The following LRRC74A variants were observed in gnomAD, a reference collection of about 807,000 sequenced individuals.
LRRC74A encodes leucine-rich repeat-containing protein 74A.
A neutral mutation model predicts 57.9 loss-of-function variants in LRRC74A; 44 were observed. That is an observed-to-expected ratio of 0.76 (90% CI 0.60 to 0.98). The LOEUF (loss-of-function observed/expected upper bound fraction) is 0.98. Ranked by LOEUF, LRRC74A falls within the 50% of genes least tolerant of loss-of-function variation. LRRC74A has a pLI of 0.00. For synonymous variants in LRRC74A, 211 were observed against 219.4 expected, an observed-to-expected ratio of 0.96 and a Z score of 0.34; for missense variants, 572 against 574.0, an observed-to-expected ratio of 1.00 and a Z score of 0.04.
chr14:76,863,676 G>A (rs1898510969), intron 11 of LRRC74A, among the ~76,000 whole-genome samples: 1 of 152,216 alleles, frequency 6.6e-6, no homozygotes, highest in Non-Finnish European at 1.5e-5. Context: ...AAGTAGCTGG[G>A]CAAGGTTCTT....
intron 10 of LRRC74A, among the ~76,000 whole-genome samples, chr14:76,858,533 C>T (rs1284115398): frequency 6.6e-6 from 1 of 152,156 alleles, no homozygotes; most frequent in African/African-American, 2.4e-5. Flanking sequence ...AGAACTCCAA[C>T]ATCTTTTTTT....
intron 7 of LRRC74A, among the ~76,000 whole-genome samples, chr14:76,849,901 C>T (rs1380601702): frequency 1.3e-5 from 2 of 151,288 alleles, no homozygotes; most frequent in Non-Finnish European, 2.9e-5. Flanking sequence ...TTACATCAAT[C>T]CTCATTTAAA....
At chr14:76,836,975 T>C (rs1443613772) in intron 4 of LRRC74A, among the ~76,000 whole-genome samples, 1 of 151,752 alleles carries the variant, frequency 6.6e-6, no homozygotes, top group Non-Finnish European at 1.5e-5. Context: ...ACCCCGCCTC[T>C]ACTAAAAATA....
At chr14:76,855,844 C>T (rs61989413) in intron 9 of LRRC74A, among the ~76,000 whole-genome samples, 25,845 of 152,212 alleles carry the variant, frequency 0.17, 2,586 homozygotes, top group Non-Finnish European at 0.22. Flanking sequence ...TGTTCATTGA[C>T]AGCATACTGC....
Position 76,853,223 on chromosome 14 carries a change from T to A in LRRC74A, c.770T>A (p.Val257Glu). ...VALCNGLRGN[V>E]TLTKLDLSMN... ...TCTCCCCTCTTCCTGGAGGGTAATG[T>A]GACCCTGACAAAGCTGGATCTCTCC... Residue 257 changes from valine (V) to glutamate (E), a missense_variant, in exon 9 of 14, where the codon GTG (valine) becomes GAG (glutamate). Val to Glu is a moderately radical substitution (Grantham distance 121, BLOSUM62 -2). Transcript: ENST00000689127. 1 of 1,611,346 alleles carries A rather than the reference T, an allele frequency of 6.2e-7. No individual in the cohort carries two copies. The highest frequency in any genetic ancestry group is 8.5e-7 in the Non-Finnish European group (1 of 1,177,536).
At chr14:76,868,984 C>A (rs1214151194) in intron 13 of LRRC74A, among the ~76,000 whole-genome samples, 3 of 152,236 alleles carry the variant, frequency 2.0e-5, no homozygotes, top group African/African-American at 4.8e-5. Context: ...ACACTGGCAT[C>A]CAGCAAGAGG....
At chr14:76,831,568 G>A (rs1217141483) in intron 3 of LRRC74A, among the ~76,000 whole-genome samples, 193 bp downstream of exon 3, 1 of 152,084 alleles carries the variant, frequency 6.6e-6, no homozygotes, top group Non-Finnish European at 1.5e-5. Flanking sequence ...TAGCAACCTG[G>A]GCCTTGGAAG....
chr14:76,853,084 G>C (rs912170227), intron 8 of LRRC74A, 132 bp from the exon 9 acceptor site: 13 of 759,718 alleles, frequency 1.7e-5, no homozygotes, highest in Non-Finnish European at 2.8e-5. Context: ...GAATGATCTG[G>C]CAGACCCATC....
intron 8 of LRRC74A, among the ~76,000 whole-genome samples, chr14:76,852,784 AT>A (rs1460568144): frequency 1.3e-5 from 2 of 151,662 alleles, no homozygotes; most frequent in African/African-American, 4.8e-5. Context: ...ATGCCCGGCT[AT>A]TTTTTGTATT....
At position 76,844,472 on chromosome 14, in the gene LRRC74A, G is replaced by C. The variant is rs1265070502; in HGVS notation, c.594G>C (p.Ser198=). 3 of 1,611,676 alleles carry C rather than the reference G, an allele frequency of 1.9e-6. No individual in the cohort carries two copies. Among genetic ancestry groups the C allele is most frequent in the Non-Finnish European group, 2.5e-6 (3 of 1,179,058 alleles). Residue 198 remains serine (S), a splice_region_variant and synonymous_variant, in exon 6 of 14, where the codon TCG becomes TCC. Transcript: ENST00000689127. Reference sequence around the variant, plus strand: ...CAGCACTGCTCTGCCAAGCCCTGTCGGTAAGAGGCAGGGAGTGCAGCCAAG... The same window carrying C: ...CAGCACTGCTCTGCCAAGCCCTGTCCGTAAGAGGCAGGGAGTGCAGCCAAG... The part of the protein sequence containing the change: ...DSAALLCQAL[S]TNYQIKKLDL...
chr14:76,861,514 G>A (rs1220145254), intron 11 of LRRC74A, among the ~76,000 whole-genome samples: 1 of 152,078 alleles, frequency 6.6e-6, no homozygotes. Context: ...ACATCCTTGT[G>A]GTCAGGATGG....
intron 11 of LRRC74A, among the ~76,000 whole-genome samples, chr14:76,863,428 C>T (rs1030872746): frequency 6.6e-6 from 1 of 152,144 alleles, no homozygotes; most frequent in African/African-American, 2.4e-5. Flanking sequence ...GGCCTGTGTA[C>T]GGTCAGGGCA....
At chr14:76,836,169 C>CT (rs1896316786) in intron 3 of LRRC74A, 38 bp from the exon 4 acceptor site, 2 of 1,506,978 alleles carry the variant, frequency 1.3e-6, no homozygotes, top group Middle Eastern at 1.7e-4. Context: ...TCACCAACCA[C>CT]TTCTGTGTCT....
Position 76,826,656 on chromosome 14 carries a change from T to G in LRRC74A, c.-42T>G. 6.2e-7 allele frequency: 1 copy of G among 1,600,042 alleles called. No homozygotes were observed. Among genetic ancestry groups the G allele is most frequent in the Non-Finnish European group, 8.5e-7 (1 of 1,173,776 alleles). The stretch of plus-strand genomic sequence containing the variant: ...GCTTCTTAGGGAAGCAGTCGAGAGG[T>G]GGCAAGAAGTTGGCAGCTGCCCTCA... On this transcript the variant is annotated 5_prime_UTR_variant, in exon 1 of 14. Coordinates refer to ENST00000689127, the MANE Select transcript of LRRC74A (RefSeq NM_001385106.1).
chr14:76,866,087 C>T lies in LRRC74A; in HGVS notation c.1308+12C>T, dbSNP rs1486138584. 1 of 1,500,588 alleles carries T rather than the reference C, an allele frequency of 6.7e-7. No homozygotes were observed. The highest frequency in any genetic ancestry group is 9.2e-7 in the Non-Finnish European group (1 of 1,089,014). The allele number at this position is 1,500,588 out of a possible 1,614,324, so 93.0% of individuals were successfully genotyped here. ...AAGTGATGATAGAGGTGTGCTGGGT[C>T]CTAGTGGCAACAGGCTGTGTGTGAG... On this transcript the variant is annotated intron_variant, in intron 12 of 13. Coordinates refer to ENST00000689127, the MANE Select transcript of LRRC74A (RefSeq NM_001385106.1).
intron 10 of LRRC74A, among the ~76,000 whole-genome samples, chr14:76,859,232 G>C (rs1898109439): frequency 6.6e-6 from 1 of 152,088 alleles, no homozygotes; most frequent in Admixed American, 6.5e-5. Context: ...TGGTGTGTTT[G>C]AGAGAACATT....
intron 9 of LRRC74A, among the ~76,000 whole-genome samples, chr14:76,854,284 C>T (rs1419828906): frequency 6.6e-6 from 1 of 152,188 alleles, no homozygotes; most frequent in African/African-American, 2.4e-5. Context: ...GCCTGTCATC[C>T]CCTCAAATGT....
chr14:76,859,830 C>T (rs575503566), intron 10 of LRRC74A, among the ~76,000 whole-genome samples: 5 of 152,082 alleles, frequency 3.3e-5, no homozygotes, highest in East Asian at 3.9e-4. Flanking sequence ...CACCCACTAC[C>T]GCACCTGGCT....
chr14:76,864,426 G>A (rs1898595400), intron 11 of LRRC74A, among the ~76,000 whole-genome samples: 2 of 110,672 alleles, frequency 1.8e-5, no homozygotes, highest in Admixed American at 9.4e-5. Context: ...GGGGGGGGTG[G>A]CGGGGGGAAG....
Sources: allele counts gnomAD v4.1 joint callset (sites outside exome capture counted in the v4.1 genomes callset), GRCh38; gene constraint gnomAD v4.1.1; transcripts MANE v1.5; gene names NCBI Gene and HGNC (gene_info 2026-07-23, HGNC 2026-07-21).